Variants in LRMDA observed in about 807,000 individuals in gnomAD.
The protein encoded by LRMDA is leucine rich melanocyte differentiation associated, also known as leucine-rich melanocyte differentiation-associated protein.
Under a neutral mutation model 29.8 loss-of-function variants are expected in LRMDA, and 18 were observed. The ratio of observed to expected loss-of-function variants is 0.60; its 90% CI spans 0.42 to 0.90. LRMDA has a LOEUF of 0.90. Ranked by LOEUF, LRMDA falls within the 40% of genes least tolerant of loss-of-function variation. The pLI, the probability that LRMDA is intolerant of heterozygous loss-of-function variation, is 0.00. For synonymous variants in LRMDA, 125 were observed against 109.4 expected (o/e 1.14, Z -0.89); for missense variants, 273 against 273.9 (o/e 1.00, Z 0.02).
chr10:75,479,541 A>G (rs956646190), intron 2 of LRMDA, among the ~76,000 whole-genome samples: 7 of 150,204 alleles, frequency 4.7e-5, no homozygotes. Context: ...CAACCTTGGG[A>G]GGAAGGAAGG....
At chr10:75,579,405 A>G (rs558023093) in intron 2 of LRMDA, among the ~76,000 whole-genome samples, 7 of 152,202 alleles carry the variant, frequency 4.6e-5, no homozygotes, top group Admixed American at 2.0e-4. Context: ...ACCAATAACA[A>G]GTTCTGAAAT....
At chr10:75,753,544 G>A (rs1325208816) in intron 2 of LRMDA, among the ~76,000 whole-genome samples, 1 of 152,128 alleles carries the variant, frequency 6.6e-6, no homozygotes, top group African/African-American at 2.4e-5. Flanking sequence ...AAGGCCCCAG[G>A]CAAGTGCAAG....
At chr10:76,462,457 T>C (rs1407626693) in intron 6 of LRMDA, among the ~76,000 whole-genome samples, 1 of 152,170 alleles carries the variant, frequency 6.6e-6, no homozygotes. Flanking sequence ...AGAAGAACCA[T>C]CCTCTTCCTC....
chr10:75,760,181 A>C (rs919411356), intron 2 of LRMDA, among the ~76,000 whole-genome samples: 1 of 152,344 alleles, frequency 6.6e-6, no homozygotes, highest in East Asian at 1.9e-4. Context: ...TCTTCACCAC[A>C]GGTGAGAATT....
chr10:75,435,676 C>CA (rs1844255787), intron 1 of LRMDA, among the ~76,000 whole-genome samples: 2 of 152,208 alleles, frequency 1.3e-5, no homozygotes, highest in South Asian at 4.1e-4. Flanking sequence ...AGGCTGCTGA[C>CA]AGTCTCATCA....
intron 2 of LRMDA, among the ~76,000 whole-genome samples, chr10:75,693,898 T>C (rs1304364936): frequency 1.3e-5 from 2 of 152,156 alleles, no homozygotes; most frequent in Non-Finnish European, 2.9e-5. Context: ...AAAAGGAAAA[T>C]ACAGAAAGAT....
chr10:76,475,177 G>C (rs938465599), intron 6 of LRMDA, among the ~76,000 whole-genome samples: 5 of 151,718 alleles, frequency 3.3e-5, no homozygotes, highest in African/African-American at 1.2e-4. Flanking sequence ...GGGATGAGGA[G>C]GCTAGGGAAA....
At chr10:76,222,009 A>G (rs1239093460) in intron 5 of LRMDA, among the ~76,000 whole-genome samples, 2 of 152,076 alleles carry the variant, frequency 1.3e-5, no homozygotes, top group Non-Finnish European at 2.9e-5. Flanking sequence ...AGAAAAACAA[A>G]CAATGGAGAA....
chr10:75,713,670 A>G (rs941087323), intron 2 of LRMDA, among the ~76,000 whole-genome samples: 27 of 152,232 alleles, frequency 1.8e-4, no homozygotes, highest in Non-Finnish European at 2.2e-4. Context: ...TAATACATTC[A>G]AGAAACCTAG....
chr10:76,487,318 C>T (rs143436586), intron 6 of LRMDA, among the ~76,000 whole-genome samples: 476 of 151,576 alleles, frequency 3.1e-3, no homozygotes, highest in Non-Finnish European at 5.1e-3. Context: ...TTATTGTATG[C>T]GGAAGATATC....
At chr10:76,334,752 T>A (rs978525328) in intron 6 of LRMDA, among the ~76,000 whole-genome samples, 2 of 152,198 alleles carry the variant, frequency 1.3e-5, no homozygotes, top group African/African-American at 4.8e-5. Flanking sequence ...GAATTCCATA[T>A]GCTTCAGGTC....
intron 2 of LRMDA, among the ~76,000 whole-genome samples, chr10:75,732,487 G>A (rs755254548): frequency 6.6e-6 from 1 of 152,182 alleles, no homozygotes; most frequent in Non-Finnish European, 1.5e-5. Context: ...ATATACTTTT[G>A]TTAATGAATT....
intron 5 of LRMDA, among the ~76,000 whole-genome samples, chr10:76,320,728 T>G (rs1840760997): frequency 6.6e-6 from 1 of 152,248 alleles, no homozygotes; most frequent in Admixed American, 6.5e-5. Flanking sequence ...TTTTGACATT[T>G]GTTTTAAGTC....
At chr10:75,562,509 G>A (rs1261080595) in intron 2 of LRMDA, among the ~76,000 whole-genome samples, 1 of 151,996 alleles carries the variant, frequency 6.6e-6, no homozygotes, top group Non-Finnish European at 1.5e-5. Flanking sequence ...TCTTTTAATT[G>A]GAGCATTTAG....
chr10:75,494,783 G>C (rs1845026207), intron 2 of LRMDA, among the ~76,000 whole-genome samples: 1 of 152,134 alleles, frequency 6.6e-6, no homozygotes, highest in East Asian at 1.9e-4. Flanking sequence ...TTACAGGCGT[G>C]AGCCACCGTG....
In LRMDA at chr10:76,518,135, C is replaced by A. The variant is rs117934982; in HGVS notation, c.602-39074C>A. On this transcript the variant is annotated intron_variant, in intron 6 of 6. Transcript: ENST00000611255. ...AAAATAAATAAACCCAACTATATATCCTTTAAAATATATGTATGAAAATAT... is the reference window on the plus strand; with the variant it reads ...AAAATAAATAAACCCAACTATATATACTTTAAAATATATGTATGAAAATAT... Among the ~76,000 whole-genome samples, 1,184 of 151,886 alleles carry A rather than the reference C, an allele frequency of 7.8e-3. 4 individuals are homozygous for A. The highest frequency in any genetic ancestry group is 0.014 in the Middle Eastern group (4 of 290).
intron 2 of LRMDA, among the ~76,000 whole-genome samples, chr10:75,507,160 C>T (rs1236585602): frequency 2.0e-5 from 3 of 151,424 alleles, no homozygotes; most frequent in African/African-American, 7.3e-5. Context: ...GTGACTCTCC[C>T]TCGGTAAATG....
chr10:75,772,657 G>A (rs1843256110), intron 2 of LRMDA, among the ~76,000 whole-genome samples: 1 of 152,140 alleles, frequency 6.6e-6, no homozygotes, highest in African/African-American at 2.4e-5. Flanking sequence ...AAATATTTGG[G>A]TAATGAGGTT....
rs573320171 is a variant in LRMDA at position 76,026,106 on chromosome 10, G to T, written c.132-9902G>T. 3.9e-5 allele frequency among the ~76,000 whole-genome samples: 6 copies of T among 152,296 alleles called. No individual in the cohort carries two copies. In the South Asian group the frequency reaches 1.2e-3, roughly 32 times the overall value. ...AAATCTAAGAACTAGCTCTTTGGGA[G>T]ATTCTTCTAGGAGCATCCATGGAGT... On this transcript the variant is annotated intron_variant, in intron 2 of 6. Transcript: ENST00000611255.
Sources: allele counts gnomAD v4.1 joint callset (sites outside exome capture counted in the v4.1 genomes callset), GRCh38; gene constraint gnomAD v4.1.1; transcripts MANE v1.5; gene names NCBI Gene and HGNC (gene_info 2026-07-23, HGNC 2026-07-21).